The following CNOT10 variants were observed in gnomAD, a reference collection of about 807,000 sequenced individuals.
CNOT10 encodes CCR4-NOT transcription complex, subunit 10.
In CNOT10, 30 loss-of-function variants were observed where a neutral mutation model predicts 94.6. The observed-to-expected ratio is 0.32, with a 90% CI of 0.24 to 0.43. The LOEUF is 0.43. CNOT10 is among the 20% of genes least tolerant of loss of function. The pLI is 1.00. For missense variants in CNOT10, 759 were observed against 877.2 expected (o/e 0.87, Z 1.70); for synonymous variants, 289 against 301.6 (o/e 0.96, Z 0.43).
chr3:32,708,806 T>G lies in CNOT10; in HGVS notation c.416T>G (p.Phe139Cys). 6.2e-7 allele frequency: 1 copy of G among 1,609,272 alleles called. No individual in the cohort carries two copies. The highest frequency in any genetic ancestry group is 1.3e-5 in the African/African-American group (1 of 74,660). Residue 139 changes from phenylalanine to cysteine, a missense_variant, in exon 4 of 19, where the codon TTC (phenylalanine) becomes TGC (cysteine). Phe to Cys is a radical substitution (Grantham distance 205). Transcript: ENST00000328834. The stretch of plus-strand genomic sequence containing the variant: ...TCAGTTGGTGAAAAACTTTATCAGT[T>G]CATAGAGCCTTTTGGTATGTTATCT... ...AISVGEKLYQ[F>C]IEPFEEKFAQ...
In CNOT10 at chr3:32,725,617, G is replaced by A. The variant is rs756277100; in HGVS notation, c.1012+18G>A. On this transcript the variant is annotated intron_variant, in intron 9 of 18. Transcript: ENST00000328834. Reference sequence around the variant, plus strand: ...TGATCCAGGTAAGCCCAGTACTGGGGGACAGTTTGTATTTACTACTTCAGA... The same window carrying A: ...TGATCCAGGTAAGCCCAGTACTGGGAGACAGTTTGTATTTACTACTTCAGA... 4 of 1,581,696 alleles carry A rather than the reference G, an allele frequency of 2.5e-6. No homozygotes were observed. The South Asian group carries it at 4.7e-5, about 19-fold the overall frequency.
At chr3:32,685,830 A>G (rs561019481) in intron 1 of CNOT10, among the ~76,000 whole-genome samples, 121 of 152,250 alleles carry the variant, frequency 7.9e-4, no homozygotes, top group African/African-American at 2.5e-3. Context: ...TGGAGCACAC[A>G]TCTGCCTATA....
rs79131986 is a variant in CNOT10 at position 32,688,200 on chromosome 3, T to G, written c.22+2718T>G. 3.4e-3 allele frequency among the ~76,000 whole-genome samples: 514 copies of G among 152,306 alleles called. 11 individuals carry two copies. The highest frequency in any genetic ancestry group is 0.034 in the East Asian group (174 of 5,188). ...TTTTGCCAGGTACTACTTTAGGAAC[T>G]GGGCAGGAACAAAACAAAGTCTCTG... On this transcript the variant is annotated intron_variant, in intron 1 of 18. Transcript: ENST00000328834.
rs937295909 is a variant in CNOT10, at chr3:32,685,449, C to G, written c.-12C>G. ...GCCACCTGCAGGGAAGAACCCGAGTCGAAGCGGGAAGATGGCTGCAGACAA... is the reference window on the plus strand; with the variant it reads ...GCCACCTGCAGGGAAGAACCCGAGTGGAAGCGGGAAGATGGCTGCAGACAA... On this transcript the variant is annotated 5_prime_UTR_variant, in exon 1 of 19. Coordinates refer to ENST00000328834, the MANE Select transcript of CNOT10 (RefSeq NM_015442.3). 1.0e-5 allele frequency: 16 copies of G among 1,550,134 alleles called. No individual in the cohort carries two copies. Among genetic ancestry groups the G allele is most frequent in the Non-Finnish European group, 1.4e-5 (16 of 1,146,760 alleles).
rs762356825 is a variant in CNOT10, at chr3:32,762,875, C to A, written c.1840+12C>A. The A allele has an allele frequency of 1.3e-4, 198 of 1,524,358 alleles. No homozygotes were observed. The highest frequency in any genetic ancestry group is 1.7e-4 in the Non-Finnish European group (190 of 1,147,666). The allele number at this position is 1,524,358 out of a possible 1,614,324, so 94.4% of individuals were successfully genotyped here. On this transcript the variant is annotated intron_variant, in intron 15 of 18. Transcript: ENST00000328834. ...TGAGCAGGACCAAGGTTAATGAGGA[C>A]ATCTTTGATCAGAACTGGTCACTGT...
At chr3:32,750,056 A>C (rs1699890559) in intron 13 of CNOT10, among the ~76,000 whole-genome samples, 4 of 152,104 alleles carry the variant, frequency 2.6e-5, no homozygotes, top group Admixed American at 2.0e-4. Context: ...GTCTCTACAA[A>C]AAATTTAGTC....
At position 32,700,301 on chromosome 3, in the gene CNOT10, G is replaced by A. The variant is rs539898383; in HGVS notation, c.23-3567G>A. Among the ~76,000 whole-genome samples, 8 of 152,162 alleles carry A rather than the reference G, an allele frequency of 5.3e-5. No individual in the cohort carries two copies. The South Asian group carries it at 1.7e-3, about 32-fold the overall frequency. On this transcript the variant is annotated intron_variant, in intron 1 of 18. Coordinates refer to ENST00000328834, the MANE Select transcript of CNOT10 (RefSeq NM_015442.3). ...TCAGTTTCTTTATAGAAGCATGTTT[G>A]GAGTTACTGAATCTGAGTTGGAAGG... is the stretch of plus-strand genomic sequence containing the variant.
At chr3:32,760,878 C>T (rs1464420043) in intron 14 of CNOT10, among the ~76,000 whole-genome samples, 1 of 151,892 alleles carries the variant, frequency 6.6e-6, no homozygotes, top group Non-Finnish European at 1.5e-5. Flanking sequence ...CCTGTAATCC[C>T]AGCACTTTGG....
intron 6 of CNOT10, among the ~76,000 whole-genome samples, chr3:32,716,901 C>T (rs111861285): frequency 1.3e-3 from 191 of 152,256 alleles, no homozygotes; most frequent in African/African-American, 4.1e-3. Context: ...CCACCTGCCT[C>T]GGCCTCCAAA....
At chr3:32,748,772 G>A (rs1229935201) in intron 13 of CNOT10, among the ~76,000 whole-genome samples, 1 of 151,744 alleles carries the variant, frequency 6.6e-6, no homozygotes, top group Non-Finnish European at 1.5e-5. Flanking sequence ...TCTGCCTTCC[G>A]AAGTGCTGGG....
At chr3:32,748,759 A>G (rs918714154) in intron 13 of CNOT10, among the ~76,000 whole-genome samples, 1 of 151,510 alleles carries the variant, frequency 6.6e-6, no homozygotes, top group African/African-American at 2.4e-5. Context: ...TGACCTGCCC[A>G]CCTCTGCCTT....
At chr3:32,733,813 C>A (rs1699061943) in intron 11 of CNOT10, among the ~76,000 whole-genome samples, 1 of 152,086 alleles carries the variant, frequency 6.6e-6, no homozygotes, top group East Asian at 1.9e-4. Flanking sequence ...TTAAGAATGT[C>A]CAGAAGAGGG....
chr3:32,733,754 G>GTA (rs1699058995), intron 11 of CNOT10, among the ~76,000 whole-genome samples: 1 of 152,160 alleles, frequency 6.6e-6, no homozygotes. Context: ...ATCCATGGGT[G>GTA]CTGCAATTAT....
chr3:32,765,518 G>A lies in CNOT10; in HGVS notation c.2004+709G>A, dbSNP rs144946423. Among the ~76,000 whole-genome samples the A allele has an allele frequency of 6.0e-5, 3 of 50,014 alleles. 1 individual carries two copies. In the East Asian group the frequency reaches 1.7e-3, roughly 29 times the overall value. The allele number at this position is 50,014 out of a possible 152,430, so 32.8% of individuals were successfully genotyped here. A position where few individuals can be genotyped will look rare whatever the true frequency, so the allele number is the denominator to read the frequency against. On this transcript the variant is annotated intron_variant, in intron 17 of 18. Coordinates refer to ENST00000328834, the MANE Select transcript of CNOT10 (RefSeq NM_015442.3). ...AAATACCAAAAATTAGCCAGGCATGGTGGTGCATTCCTGTAGTCCCAGATA... is the reference window on the plus strand; with the variant it reads ...AAATACCAAAAATTAGCCAGGCATGATGGTGCATTCCTGTAGTCCCAGATA...
chr3:32,736,930 A>T (rs1699213070), intron 12 of CNOT10, among the ~76,000 whole-genome samples: 1 of 152,148 alleles, frequency 6.6e-6, no homozygotes, highest in South Asian at 2.1e-4. Context: ...GGGGGAAGAA[A>T]CTAATATACA....
chr3:32,701,130 C>T (rs1697323213), intron 1 of CNOT10, among the ~76,000 whole-genome samples: 1 of 152,070 alleles, frequency 6.6e-6, no homozygotes, highest in African/African-American at 2.4e-5. Context: ...AAAAAATTAG[C>T]CAGGTGTGGC....
chr3:32,724,158 G>C (rs1698544382), intron 8 of CNOT10, among the ~76,000 whole-genome samples: 1 of 151,622 alleles, frequency 6.6e-6, no homozygotes, highest in Non-Finnish European at 1.5e-5. Flanking sequence ...AACATGAAAA[G>C]ATGCTTAGCT....
chr3:32,763,334 GT>G (rs1372571523), intron 15 of CNOT10, among the ~76,000 whole-genome samples: 1 of 152,050 alleles, frequency 6.6e-6, no homozygotes, highest in East Asian at 1.9e-4. Context: ...AGAAAAAAAA[GT>G]TTGTTTTAAG....
At chr3:32,745,294 GTTTT>G (rs199910892) in intron 13 of CNOT10, among the ~76,000 whole-genome samples, 1 of 151,578 alleles carries the variant, frequency 6.6e-6, no homozygotes, top group African/African-American at 2.4e-5. Context: ...AATTATTGTA[GTTTT>G]TTTTATTATT....
Sources: gnomAD v4.1 joint callset for allele counts (sites outside exome capture counted in the v4.1 genomes callset) on GRCh38, gnomAD v4.1.1 for gene constraint, MANE v1.5 for transcripts, NCBI Gene and HGNC (gene_info 2026-07-23, HGNC 2026-07-21) for gene names.